SNED1: variants seen among roughly 807,000 people sequenced by gnomAD.
SNED1 encodes the protein sushi, nidogen and EGF-like domain-containing protein 1.
Under a neutral mutation model 166.7 loss-of-function variants are expected in SNED1, and 81 were observed. That is an observed-to-expected ratio of 0.49 (90% CI 0.41 to 0.58). SNED1 has a LOEUF of 0.58. SNED1 is among the 20% of genes least tolerant of loss of function. The probability of loss-of-function intolerance (pLI) is 0.00; values close to 1 mark genes in which losing one functional copy is unlikely to be tolerated. For synonymous variants in SNED1, 762 were observed against 822.0 expected, an observed-to-expected ratio of 0.93 and a Z score of 1.25; for missense variants, 1,604 against 2,000.2, an observed-to-expected ratio of 0.80 and a Z score of 3.78.
chr2:241,094,934 T>C lies in SNED1; in HGVS notation c.*3298T>C, dbSNP rs1272054373. The C allele has an allele frequency of 6.6e-6, 1 of 152,644 alleles. No individual in the cohort carries two copies. Among genetic ancestry groups the C allele is most frequent in the Non-Finnish European group, 1.5e-5 (1 of 68,412 alleles). The allele number at this position is 152,644 out of a possible 1,614,324, so 9.5% of individuals were successfully genotyped here. ...ATGTACCAATCCTCCAGGACCCTCT[T>C]AGAGCTCATGCCATCAGAGACAGGC... is the stretch of plus-strand genomic sequence containing the variant. On this transcript the variant is annotated 3_prime_UTR_variant, in exon 32 of 32. Coordinates refer to ENST00000310397, the MANE Select transcript of SNED1 (RefSeq NM_001080437.3). The surrounding 1 kb of genome is among the most constrained non-coding windows in gnomAD (Gnocchi z 4.3).
At chr2:241,036,592 C>G (rs2061377824) in intron 4 of SNED1, among the ~76,000 whole-genome samples, 198 bp from the exon 5 acceptor site, 1 of 152,108 alleles carries the variant, frequency 6.6e-6, no homozygotes, top group East Asian at 1.9e-4. Context: ...GCCACGCCAA[C>G]AGCACCGCCC....
At position 241,020,215 on chromosome 2, in the gene SNED1, C is replaced by T. The variant is rs2060730503; in HGVS notation, c.214-10069C>T. On this transcript the variant is annotated intron_variant, in intron 1 of 31. Coordinates refer to ENST00000310397, the MANE Select transcript of SNED1 (RefSeq NM_001080437.3). ...TCTGCTGGCCCTTGGGCAGACCACA[C>T]CATTTGCAACAACCAAAATTCAGTA... 2.0e-5 allele frequency among the ~76,000 whole-genome samples: 3 copies of T among 152,246 alleles called. No individual in the cohort carries two copies. In the South Asian group the frequency reaches 6.2e-4, roughly 32 times the overall value.
chr2:241,016,239 G>A (rs6733640), intron 1 of SNED1, among the ~76,000 whole-genome samples: 2,084 of 130,778 alleles, frequency 0.016, 154 homozygotes, highest in African/African-American at 0.061. Context: ...CTGTCGCCCA[G>A]GCTGGAGTGC....
At chr2:241,024,700 C>A (rs1009098463) in intron 1 of SNED1, among the ~76,000 whole-genome samples, 1 of 60,206 alleles carries the variant, frequency 1.7e-5, no homozygotes, top group Non-Finnish European at 3.1e-5. Context: ...GAGACAGAGT[C>A]TCGCTCTGTT....
chr2:241,009,643 A>G (rs1326971460), intron 1 of SNED1, among the ~76,000 whole-genome samples: 1 of 152,078 alleles, frequency 6.6e-6, no homozygotes. Flanking sequence ...CATGGCATCA[A>G]CACTCTCCTG....
intron 27 of SNED1, chr2:241,074,623 T>C (rs1184901015): frequency 2.0e-5 from 3 of 152,128 alleles, no homozygotes; most frequent in Non-Finnish European, 4.4e-5. Context: ...CATGTGGTGT[T>C]TGCCAGCACG....
intron 1 of SNED1, among the ~76,000 whole-genome samples, chr2:241,004,873 G>A (rs6437226): frequency 6.6e-6 from 1 of 151,532 alleles, no homozygotes; most frequent in Non-Finnish European, 1.5e-5. Flanking sequence ...AGGCGCCCAC[G>A]ACCACACCTA....
intron 16 of SNED1, among the ~76,000 whole-genome samples, chr2:241,054,455 G>C (rs1370653489): frequency 1.3e-5 from 2 of 152,196 alleles, no homozygotes; most frequent in Non-Finnish European, 2.9e-5. Context: ...TGTAGTCCCA[G>C]CTACTTGGGA....
intron 16 of SNED1, among the ~76,000 whole-genome samples, chr2:241,060,187 C>CTT (rs34936638): frequency 0.024 from 3,467 of 144,774 alleles, 121 homozygotes; most frequent in African/African-American, 0.083. Context: ...AAACTATAAA[C>CTT]TTTTTTTTTT....
chr2:241,071,481 CGGCT>C (rs1559295491), intron 24 of SNED1, 91 bp from the exon 25 acceptor site: 2 of 1,417,436 alleles, frequency 1.4e-6, no homozygotes, highest in Non-Finnish European at 1.9e-6. Context: ...TCTCCAAGCA[CGGCT>C]GAGTGTGAGG....
intron 29 of SNED1, among the ~76,000 whole-genome samples, chr2:241,083,266 GC>G (rs1431137506): frequency 1.3e-5 from 2 of 152,186 alleles, no homozygotes; most frequent in African/African-American, 4.8e-5. Context: ...AGTTACCAGG[GC>G]CCCAAGTCAG....
At position 241,053,310 on chromosome 2, in the gene SNED1, G is replaced by C; in HGVS notation, c.2241G>C (p.Glu747Asp). 6.3e-7 allele frequency: 1 copy of C among 1,585,560 alleles called. No individual in the cohort carries two copies. The highest frequency in any genetic ancestry group is 8.6e-7 in the Non-Finnish European group (1 of 1,163,832). The change falls in exon 16 of 32, where the codon GAG becomes GAC. Residue 747 changes from glutamate to aspartate, a missense_variant. Coordinates refer to ENST00000310397, the MANE Select transcript of SNED1 (RefSeq NM_001080437.3). Reference protein sequence around the residue: ...RVCQPHGVWSEPPQCLEIDEC... With the variant: ...RVCQPHGVWSDPPQCLEIDEC... Reference sequence around the variant, plus strand: ...GCCAGCCACACGGTGTCTGGAGTGAGCCTCCCCAGTGCCTTGGTGATTCTG... The same window carrying C: ...GCCAGCCACACGGTGTCTGGAGTGACCCTCCCCAGTGCCTTGGTGATTCTG...
chr2:241,078,131 T>C (rs1231448711), intron 27 of SNED1, among the ~76,000 whole-genome samples: 1 of 152,092 alleles, frequency 6.6e-6, no homozygotes, highest in Non-Finnish European at 1.5e-5. Context: ...ACGCCTGTAA[T>C]CCCAGCACTT....
In SNED1 at chr2:241,049,130, G is replaced by A; in HGVS notation, c.1613G>A (p.Ser538Asn). 1 of 1,611,240 alleles carries A rather than the reference G, an allele frequency of 6.2e-7. No homozygotes were observed. Among genetic ancestry groups the A allele is most frequent in the Non-Finnish European group, 8.5e-7 (1 of 1,178,654 alleles). ...GTCTGCCACACCGACCACAATGCCAGCCACTGTGAGTAGCTCGGGGACGAG... is the reference window on the plus strand; with the variant it reads ...GTCTGCCACACCGACCACAATGCCAACCACTGTGAGTAGCTCGGGGACGAG... ...LCVCHTDHNA[S>N]HSLPSPCDSD... Residue 538 changes from serine (S) to asparagine (N), a missense_variant, in exon 11 of 32, where the codon AGC (serine) becomes AAC (asparagine). This residue lies in a region of SNED1 where 1,237 missense variants were observed against 1,620.8 expected (regional missense o/e 0.76). Transcript: ENST00000310397.
Position 241,071,888 on chromosome 2 carries a change from A to C in SNED1, c.3817+10A>C. On this transcript the variant is annotated intron_variant, in intron 26 of 31. Coordinates refer to ENST00000310397, the MANE Select transcript of SNED1 (RefSeq NM_001080437.3). The stretch of plus-strand genomic sequence containing the variant: ...GCCACCGTGAGATCACGTGAGTGCC[A>C]GGGCCTCCCCACCCACCTTGGTGGC... The C allele has an allele frequency of 6.3e-7, 1 of 1,591,328 alleles. No individual in the cohort carries two copies. The highest frequency in any genetic ancestry group is 8.6e-7 in the Non-Finnish European group (1 of 1,169,306).
At chr2:241,089,598 C>T (rs2063777897) in intron 31 of SNED1, among the ~76,000 whole-genome samples, 1 of 152,160 alleles carries the variant, frequency 6.6e-6, no homozygotes, top group Non-Finnish European at 1.5e-5. Flanking sequence ...AGAGAGTAGC[C>T]GGCAGCATTC....
chr2:241,052,306 G>C (rs368856532), intron 14 of SNED1, 49 bp from the exon 15 acceptor site: 1 of 1,513,852 alleles, frequency 6.6e-7, no homozygotes, highest in Non-Finnish European at 9.0e-7. Flanking sequence ...ACACAGTCCC[G>C]AGCCTTCAGG....
At chr2:241,034,357 GA>G (rs2061279238) in intron 3 of SNED1, among the ~76,000 whole-genome samples, 1 of 152,208 alleles carries the variant, frequency 6.6e-6, no homozygotes, top group South Asian at 2.1e-4. Flanking sequence ...GGCCCCAGGG[GA>G]GGCCCAAGAG....
chr2:241,048,644 T>C lies in SNED1; in HGVS notation c.1400-18T>C. ...TCTGCGCCCCCACATGGGAGGCTCC[T>C]CCCTCTCTTCGTGGCAGGAGTCCCC... On this transcript the variant is annotated intron_variant, in intron 9 of 31. Transcript: ENST00000310397. 1 of 1,594,864 alleles carries C rather than the reference T, an allele frequency of 6.3e-7. No homozygotes were observed. The highest frequency in any genetic ancestry group is 8.5e-7 in the Non-Finnish European group (1 of 1,170,560).
Sources: allele counts gnomAD v4.1 joint callset (sites outside exome capture counted in the v4.1 genomes callset), GRCh38; gene constraint gnomAD v4.1.1; regional missense constraint gnomAD v4.1.1; non-coding constraint Gnocchi (gnomAD v3.1); transcripts MANE v1.5; gene names NCBI Gene and HGNC (gene_info 2026-07-23, HGNC 2026-07-21).